The following BICD1 variants were observed in gnomAD, a reference collection of about 807,000 sequenced individuals.
BICD1 encodes the protein BICD cargo adaptor 1, also known as protein bicaudal D homolog 1.
Under a neutral mutation model 92.5 loss-of-function variants are expected in BICD1, and 35 were observed. The ratio of observed to expected loss-of-function variants is 0.38; its 90% CI spans 0.29 to 0.50. BICD1 has a LOEUF of 0.50. BICD1 is among the 20% of genes least tolerant of loss of function. The pLI, the probability that BICD1 is intolerant of heterozygous loss-of-function variation, is 0.93. For missense variants in BICD1, 950 were observed against 1,189.8 expected (o/e 0.80, Z 2.97); for synonymous variants, 429 against 465.1 (o/e 0.92, Z 1.00).
chr12:32,231,281 G>C (rs1205376613), intron 2 of BICD1, among the ~76,000 whole-genome samples: 1 of 152,048 alleles, frequency 6.6e-6, no homozygotes, highest in Non-Finnish European at 1.5e-5. Flanking sequence ...CCAAGAGTTT[G>C]AGACCATCCT....
intron 1 of BICD1, among the ~76,000 whole-genome samples, chr12:32,212,703 G>A (rs558189477): frequency 5.7e-4 from 86 of 152,150 alleles, no homozygotes; most frequent in Non-Finnish European, 9.9e-4. Flanking sequence ...GATTACAGGC[G>A]TGAGCCACCG....
chr12:32,123,278 G>T (rs1942219359), intron 1 of BICD1, among the ~76,000 whole-genome samples: 1 of 152,240 alleles, frequency 6.6e-6, no homozygotes, highest in South Asian at 2.1e-4. Context: ...ACCAGAGGGG[G>T]CCACATGATG....
intron 2 of BICD1, among the ~76,000 whole-genome samples, chr12:32,279,527 A>T (rs1265108548): frequency 6.6e-6 from 1 of 152,230 alleles, no homozygotes; most frequent in East Asian, 1.9e-4. Context: ...TTGCACAAAG[A>T]AGAAAAAATA....
intron 1 of BICD1, among the ~76,000 whole-genome samples, chr12:32,116,490 CTT>C (rs60201302): frequency 0.17 from 20,339 of 118,782 alleles, 1,949 homozygotes; most frequent in Admixed American, 0.24. Context: ...CTCTCTCTCT[CTT>C]TCTCTCTCTC....
At chr12:32,139,236 AG>A (rs1274999220) in intron 1 of BICD1, among the ~76,000 whole-genome samples, 1 of 152,082 alleles carries the variant, frequency 6.6e-6, no homozygotes, top group Non-Finnish European at 1.5e-5. Context: ...GCTGTGAAAC[AG>A]GTTTCAGTGC....
Position 32,214,865 on chromosome 12 carries a change from C to T in BICD1, c.214-1382C>T, listed in dbSNP as rs914163201. ...GTTCCATTTTGGGTTCCCCCAACAC[C>T]GAGAGGTTGGTTTTAATTATTCTTT... On this transcript the variant is annotated intron_variant, in intron 1 of 9. Transcript: ENST00000652176. Among the ~76,000 whole-genome samples the T allele has an allele frequency of 5.3e-5, 8 of 152,022 alleles. No homozygotes were observed. In the South Asian group the frequency reaches 1.5e-3, roughly 28 times the overall value.
intron 1 of BICD1, among the ~76,000 whole-genome samples, chr12:32,166,134 A>ATTTTTTT (rs1555140597): frequency 3.1e-5 from 1 of 31,768 alleles, no homozygotes; most frequent in Non-Finnish European, 9.8e-5. Flanking sequence ...TTATTTATTT[A>ATTTTTTT]TTTATTTATT....
intron 8 of BICD1, 93 bp from the exon 9 acceptor site, chr12:32,367,577 C>A: frequency 8.3e-7 from 1 of 1,206,700 alleles, no homozygotes; most frequent in Non-Finnish European, 1.2e-6. Flanking sequence ...ACATTCCTCA[C>A]TAAATCTCTC....
In BICD1 at chr12:32,334,577, C is replaced by CTG. The variant is rs1315313848; in HGVS notation, c.2163_2164dup (p.Glu722ValfsTer4). On this transcript the variant is annotated frameshift_variant, in exon 6 of 10. Transcript: ENST00000652176. LOFTEE classifies it high-confidence loss of function. Reference sequence around the variant, plus strand: ...TATGAAAATGAAAAAGCAATGGTGACTGAAACCATGACGAAGCTTAGAAAT... The same window carrying CTG: ...TATGAAAATGAAAAAGCAATGGTGACTGTGAAACCATGACGAAGCTTAGAAAT... The CTG allele has an allele frequency of 3.7e-6, 6 of 1,612,706 alleles. No homozygotes were observed. The highest frequency in any genetic ancestry group is 5.1e-6 in the Non-Finnish European group (6 of 1,179,422).
chr12:32,166,705 G>A (rs1214573309), intron 1 of BICD1, among the ~76,000 whole-genome samples: 1 of 152,158 alleles, frequency 6.6e-6, no homozygotes, highest in East Asian at 1.9e-4. Flanking sequence ...TGCCTGATGT[G>A]GGATTACAGA....
At chr12:32,223,786 T>A in intron 2 of BICD1, among the ~76,000 whole-genome samples, 1 of 152,214 alleles carries the variant, frequency 6.6e-6, no homozygotes, top group East Asian at 1.9e-4. Context: ...ATTCTTTCAC[T>A]TGGACACTTT....
intron 5 of BICD1, among the ~76,000 whole-genome samples, chr12:32,330,164 T>TA (rs1278035157): frequency 1.4e-4 from 22 of 152,348 alleles, no homozygotes; most frequent in African/African-American, 4.8e-4. Flanking sequence ...TCTATTTATA[T>TA]AATTGACATC....
At chr12:32,324,095 C>T (rs1353465166) in intron 4 of BICD1, among the ~76,000 whole-genome samples, 1 of 151,822 alleles carries the variant, frequency 6.6e-6, no homozygotes, top group African/African-American at 2.4e-5. Context: ...CTTTGGGAGG[C>T]CGAGGTGGGC....
intron 2 of BICD1, among the ~76,000 whole-genome samples, chr12:32,224,766 A>G (rs1183834142): frequency 1.3e-5 from 2 of 152,052 alleles, no homozygotes; most frequent in Non-Finnish European, 2.9e-5. Context: ...CAGTGTTGCA[A>G]TCTCGGCTCA....
intron 1 of BICD1, among the ~76,000 whole-genome samples, chr12:32,122,880 G>T (rs1236951801): frequency 6.6e-6 from 1 of 152,168 alleles, no homozygotes; most frequent in Non-Finnish European, 1.5e-5. Flanking sequence ...TTGAAAAATG[G>T]ATTTCAAAGT....
intron 2 of BICD1, among the ~76,000 whole-genome samples, chr12:32,254,968 AT>A: frequency 1.3e-5 from 2 of 152,226 alleles, no homozygotes; most frequent in East Asian, 3.9e-4. Context: ...TGGCCACTGT[AT>A]TAGTCTGCTT....
intron 2 of BICD1, among the ~76,000 whole-genome samples, chr12:32,280,528 C>T (rs1365756567): frequency 1.3e-5 from 2 of 152,184 alleles, no homozygotes; most frequent in Non-Finnish European, 2.9e-5. Context: ...AATTCCAAGT[C>T]TCAGGTGATA....
intron 2 of BICD1, 67 bp from the exon 3 acceptor site, chr12:32,293,927 G>A: frequency 2.7e-6 from 4 of 1,476,486 alleles, no homozygotes; most frequent in Non-Finnish European, 3.7e-6. Context: ...TTAACTACCA[G>A]GACTTTACAC....
At chr12:32,174,038 G>A (rs1944026061) in intron 1 of BICD1, among the ~76,000 whole-genome samples, 3 of 152,146 alleles carry the variant, frequency 2.0e-5, no homozygotes, top group Admixed American at 2.0e-4. Context: ...GAAATGAAAA[G>A]CTGTCATCAC....
Sources: allele counts gnomAD v4.1 joint callset (sites outside exome capture counted in the v4.1 genomes callset), GRCh38; gene constraint gnomAD v4.1.1; transcripts MANE v1.5; gene names NCBI Gene and HGNC (gene_info 2026-07-23, HGNC 2026-07-21).